Variants in PCDHGC3 observed in about 807,000 individuals in gnomAD.
PCDHGC3 encodes the protein protocadherin gamma-C3.
PCDHGC3 carries 26 observed loss-of-function variants against 59.2 expected under a neutral mutation model. The ratio of observed to expected loss-of-function variants is 0.44; its 90% CI spans 0.32 to 0.61. The LOEUF (loss-of-function observed/expected upper bound fraction) is 0.61, where lower values mean the gene tolerates loss of function less well. PCDHGC3 is among the 20% of genes least tolerant of loss of function. The pLI, the probability that PCDHGC3 is intolerant of heterozygous loss-of-function variation, is 0.05. For missense variants in PCDHGC3, 1,080 were observed against 1,221.8 expected (o/e 0.88, Z 1.73); for synonymous variants, 487 against 519.7 (o/e 0.94, Z 0.86).
chr5:141,497,497 C>T (rs1318882060), intron 2 of PCDHGC3, among the ~76,000 whole-genome samples: 1 of 151,714 alleles, frequency 6.6e-6, no homozygotes, highest in Non-Finnish European at 1.5e-5. Context: ...TCTCTCTCTC[C>T]TCTCTCTGCT....
Position 141,476,790 on chromosome 5 carries a change from C to T in PCDHGC3, c.674C>T (p.Ser225Phe). ...TTGGACGGAGGGACCCCAGCTCTCT[C>T]CGCCAGCCTGCCTATTCACATCAAG... ...TALDGGTPAL[S>F]ASLPIHIKVL... is the part of the protein sequence containing the mutation. The change falls in exon 1 of 4, where the codon TCC becomes TTC. Residue 225 changes from serine (S) to phenylalanine (F), a missense_variant. Physicochemically the swap from Ser to Phe is radical, Grantham distance 155 (BLOSUM62 -2). Coordinates refer to ENST00000308177, the MANE Select transcript of PCDHGC3 (RefSeq NM_002588.4). This position sits in a 1 kb window ranked among gnomAD's most constrained non-coding sequence, Gnocchi z 7.6. 1 of 1,613,606 alleles carries T rather than the reference C, an allele frequency of 6.2e-7. No homozygotes were observed. Among genetic ancestry groups the T allele is most frequent in the South Asian group, 1.1e-5 (1 of 91,084 alleles).
At chr5:141,506,188 C>A (rs925159785) in intron 3 of PCDHGC3, among the ~76,000 whole-genome samples, 1 of 152,058 alleles carries the variant, frequency 6.6e-6, no homozygotes, top group Non-Finnish European at 1.5e-5. Flanking sequence ...TGGTGGCTCA[C>A]GCCTGTAATC....
At chr5:141,501,550 A>G (rs1251701030) in intron 2 of PCDHGC3, among the ~76,000 whole-genome samples, 3 of 152,078 alleles carry the variant, frequency 2.0e-5, no homozygotes, top group Non-Finnish European at 4.4e-5. Flanking sequence ...ATAAGATCAT[A>G]GGCCCTGGAA....
At position 141,491,065 on chromosome 5, in the gene PCDHGC3, C is replaced by T; in HGVS notation, c.2431-3742C>T. On this transcript the variant is annotated intron_variant, in intron 1 of 3. Transcript: ENST00000308177. This position sits in a 1 kb window ranked among gnomAD's most constrained non-coding sequence, Gnocchi z 6.9. ...CCACAATGCGTGGCTCTCCTACTCA[C>T]TGTTGCCACAGTCCACAGCCCCAGG... 4 of 1,614,210 alleles carry T rather than the reference C, an allele frequency of 2.5e-6. No individual in the cohort carries two copies. Among genetic ancestry groups the T allele is most frequent in the Admixed American group, 1.7e-5 (1 of 60,030 alleles).
At chr5:141,492,216 C>T (rs1163022229) in intron 1 of PCDHGC3, among the ~76,000 whole-genome samples, 1 of 152,140 alleles carries the variant, frequency 6.6e-6, no homozygotes, top group Non-Finnish European at 1.5e-5. Context: ...GCGCGGGGCT[C>T]ATGCGTGTCC....
At position 141,478,090 on chromosome 5, in the gene PCDHGC3, C is replaced by T; in HGVS notation, c.1974C>T (p.Thr658=). 2 of 1,614,108 alleles carry T rather than the reference C, an allele frequency of 1.2e-6. No homozygotes were observed. The highest frequency in any genetic ancestry group is 1.7e-6 in the Non-Finnish European group (2 of 1,180,008). The change falls in exon 1 of 4, where the codon ACC becomes ACT. Residue 658 remains threonine (T), a synonymous_variant. Coordinates refer to ENST00000308177, the MANE Select transcript of PCDHGC3 (RefSeq NM_002588.4). The part of the protein sequence containing the change: ...IKDNGEPSLS[T]TATLTVSVTE... Reference sequence around the variant, plus strand: ...ACAATGGGGAGCCTTCGCTCTCCACCACTGCTACCCTCACTGTGTCAGTAA... The same window carrying T: ...ACAATGGGGAGCCTTCGCTCTCCACTACTGCTACCCTCACTGTGTCAGTAA...
intron 3 of PCDHGC3, 146 bp from the exon 4 acceptor site, chr5:141,510,801 A>G: frequency 6.7e-7 from 1 of 1,489,832 alleles, no homozygotes; most frequent in Non-Finnish European, 9.1e-7. Flanking sequence ...AAGAGAGACT[A>G]CCTTGGTGAC....
rs1248867280 is a variant in PCDHGC3 at position 141,511,325 on chromosome 5, C to T, written c.*152C>T. 18 of 1,466,406 alleles carry T rather than the reference C, an allele frequency of 1.2e-5. No homozygotes were observed. Among genetic ancestry groups the T allele is most frequent in the Non-Finnish European group, 1.5e-5 (17 of 1,099,872 alleles). 90.8% of individuals were successfully genotyped at this position (1,466,406 alleles called of 1,614,324 possible). A position where few individuals can be genotyped will look rare whatever the true frequency, so the allele number is the denominator to read the frequency against. On this transcript the variant is annotated 3_prime_UTR_variant, in exon 4 of 4. Coordinates refer to ENST00000308177, the MANE Select transcript of PCDHGC3 (RefSeq NM_002588.4). ...TCCCCTTGGGAAACAGAAACAAGTG[C>T]CCAGTCAGCACCTACCCCTTCCCCC...
intron 1 of PCDHGC3, among the ~76,000 whole-genome samples, chr5:141,481,790 A>C (rs2154579313): frequency 6.6e-6 from 1 of 152,222 alleles, no homozygotes; most frequent in East Asian, 1.9e-4. Flanking sequence ...CGTCTCTACT[A>C]AAAATACAAA....
Position 141,490,083 on chromosome 5 carries a change from T to G in PCDHGC3, c.2431-4724T>G. Reference sequence around the variant, plus strand: ...CCAACGGCCAACTAGACTATTCTTTTGGAGACCACACATCTGAGGCAGTGC... The same window carrying G: ...CCAACGGCCAACTAGACTATTCTTTGGGAGACCACACATCTGAGGCAGTGC... On this transcript the variant is annotated intron_variant, in intron 1 of 3. Coordinates refer to ENST00000308177, the MANE Select transcript of PCDHGC3 (RefSeq NM_002588.4). This position sits in a 1 kb window ranked among gnomAD's most constrained non-coding sequence, Gnocchi z 5.4. 1.2e-6 allele frequency: 2 copies of G among 1,614,262 alleles called. No individual in the cohort carries two copies. The highest frequency in any genetic ancestry group is 1.7e-6 in the Non-Finnish European group (2 of 1,180,054).
chr5:141,490,998 C>T lies in PCDHGC3; in HGVS notation c.2431-3809C>T, dbSNP rs1284919124. 5 of 1,614,014 alleles carry T rather than the reference C, an allele frequency of 3.1e-6. No homozygotes were observed. The highest frequency in any genetic ancestry group is 1.7e-5 in the Admixed American group (1 of 60,016). On this transcript the variant is annotated intron_variant, in intron 1 of 3. Coordinates refer to ENST00000308177, the MANE Select transcript of PCDHGC3 (RefSeq NM_002588.4). The surrounding 1 kb of genome is among the most constrained non-coding windows in gnomAD (Gnocchi z 5.4). Reference sequence around the variant, plus strand: ...GTCTCCCTCGCTCTGCTCCTCCTGGCTCCTTGGTCACCAAGGTGACAGCCG... The same window carrying T: ...GTCTCCCTCGCTCTGCTCCTCCTGGTTCCTTGGTCACCAAGGTGACAGCCG...
chr5:141,500,520 T>A (rs2099801106), intron 2 of PCDHGC3, among the ~76,000 whole-genome samples: 1 of 152,194 alleles, frequency 6.6e-6, no homozygotes, highest in South Asian at 2.1e-4. Context: ...AGCTTCATTT[T>A]AAAAAAATCT....
chr5:141,491,114 C>T lies in PCDHGC3; in HGVS notation c.2431-3693C>T, dbSNP rs1240431232. 1 of 1,614,104 alleles carries T rather than the reference C, an allele frequency of 6.2e-7. No homozygotes were observed. Among genetic ancestry groups the T allele is most frequent in the Admixed American group, 1.7e-5 (1 of 60,012 alleles). ...GGACTGTTCCTCGTGTCTACACACA[C>T]TGGTGAGGTGCGCACAGCCCGGGCC... On this transcript the variant is annotated intron_variant, in intron 1 of 3. Transcript: ENST00000308177. The surrounding 1 kb of genome is among the most constrained non-coding windows in gnomAD (Gnocchi z 6.9).
Position 141,491,650 on chromosome 5 carries a change from G to C in PCDHGC3, c.2431-3157G>C, listed in dbSNP as rs1283977913. On this transcript the variant is annotated intron_variant, in intron 1 of 3. Coordinates refer to ENST00000308177, the MANE Select transcript of PCDHGC3 (RefSeq NM_002588.4). The surrounding 1 kb of genome is among the most constrained non-coding windows in gnomAD (Gnocchi z 6.9). ...TCAGCAGCCCACAGCTCTGGCGCTG[G>C]AGCCTGACGCCATCCGGTCCCGCTC... The C allele has an allele frequency of 6.2e-7, 1 of 1,613,876 alleles. No individual in the cohort carries two copies. The highest frequency in any genetic ancestry group is 1.7e-5 in the Admixed American group (1 of 60,034).
In PCDHGC3 at chr5:141,494,748, C is replaced by T. The variant is rs566281527; in HGVS notation, c.2431-59C>T. On this transcript the variant is annotated intron_variant, in intron 1 of 3. Coordinates refer to ENST00000308177, the MANE Select transcript of PCDHGC3 (RefSeq NM_002588.4). ...CTCTCCCGGCCCATCCCTAGGGGCTCGGGTGACATTCTAACTTCTCACGGG... is the reference window on the plus strand; with the variant it reads ...CTCTCCCGGCCCATCCCTAGGGGCTTGGGTGACATTCTAACTTCTCACGGG... 1.4e-5 allele frequency: 22 copies of T among 1,613,104 alleles called. No individual in the cohort carries two copies. The East Asian group carries it at 4.2e-4, about 31-fold the overall frequency.
At position 141,476,881 on chromosome 5, in the gene PCDHGC3, G is replaced by A. The variant is rs1458703890; in HGVS notation, c.765G>A (p.Glu255=). Residue 255 remains glutamate (E), a synonymous_variant, in exon 1 of 4, where the codon GAG becomes GAA. Coordinates refer to ENST00000308177, the MANE Select transcript of PCDHGC3 (RefSeq NM_002588.4). The surrounding 1 kb of genome is among the most constrained non-coding windows in gnomAD (Gnocchi z 7.6). ...NQSLYRARVL[E]DAPSGTRVVQ... is the part of the protein sequence containing the mutation. The stretch of plus-strand genomic sequence containing the variant: ...CCTTGTACCGGGCGCGCGTCCTGGA[G>A]GATGCACCCTCCGGCACGCGCGTGG... 1.9e-6 allele frequency: 3 copies of A among 1,613,874 alleles called. No homozygotes were observed. Among genetic ancestry groups the A allele is most frequent in the Middle Eastern group, 1.6e-4 (1 of 6,084 alleles).
Position 141,476,659 on chromosome 5 carries a change from G to C in PCDHGC3, c.543G>C (p.Ala181=). Residue 181 remains alanine (A), a synonymous_variant, in exon 1 of 4, where the codon GCG becomes GCC. Transcript: ENST00000308177. This position sits in a 1 kb window ranked among gnomAD's most constrained non-coding sequence, Gnocchi z 7.6. ...AGCTGAGCCGAAATGAATACTTTGCGCTTCGCGTGCAGACGCGGGAGGACA... is the reference window on the plus strand; with the variant it reads ...AGCTGAGCCGAAATGAATACTTTGCCCTTCGCGTGCAGACGCGGGAGGACA... ...TYELSRNEYF[A]LRVQTREDST... 1 of 1,614,252 alleles carries C rather than the reference G, an allele frequency of 6.2e-7. No individual in the cohort carries two copies. The highest frequency in any genetic ancestry group is 8.5e-7 in the Non-Finnish European group (1 of 1,180,048).
chr5:141,486,138 C>T lies in PCDHGC3; in HGVS notation c.2430+7592C>T. On this transcript the variant is annotated intron_variant, in intron 1 of 3. Transcript: ENST00000308177. This position sits in a 1 kb window ranked among gnomAD's most constrained non-coding sequence, Gnocchi z 5.0. ...AATTACTATGAATTTGATGTGCGGG[C>T]TCGCGATGGGGGTTCTCCAGCCATG... The T allele has an allele frequency of 6.2e-7, 1 of 1,614,212 alleles. No individual in the cohort carries two copies. The highest frequency in any genetic ancestry group is 1.3e-5 in the African/African-American group (1 of 75,052).
rs2099811015 is a variant in PCDHGC3 at position 141,501,774 on chromosome 5, G to GTC, written c.2490-3612_2490-3611dup. ...CTCTCAGTAAATGGTTAAAAAAGAG[G>GTC]TCTCTCTCCCTCTGCTCATCTCTTA... is the stretch of plus-strand genomic sequence containing the variant. On this transcript the variant is annotated intron_variant, in intron 2 of 3. Coordinates refer to ENST00000308177, the MANE Select transcript of PCDHGC3 (RefSeq NM_002588.4). Among the ~76,000 whole-genome samples, 3 of 152,062 alleles carry GTC rather than the reference G, an allele frequency of 2.0e-5. No homozygotes were observed. In the South Asian group the frequency reaches 6.2e-4, roughly 32 times the overall value.
Sources: allele counts gnomAD v4.1 joint callset (sites outside exome capture counted in the v4.1 genomes callset), GRCh38; gene constraint gnomAD v4.1.1; non-coding constraint Gnocchi (gnomAD v3.1); transcripts MANE v1.5; gene names NCBI Gene and HGNC (gene_info 2026-07-23, HGNC 2026-07-21).